Variants in CACNA1G observed in about 807,000 individuals in gnomAD.
CACNA1G encodes voltage-dependent T-type calcium channel subunit alpha-1G.
Under a neutral mutation model 219.4 loss-of-function variants are expected in CACNA1G, and 67 were observed. The observed-to-expected ratio is 0.31, with a 90% CI of 0.25 to 0.37. The LOEUF (loss-of-function observed/expected upper bound fraction) is 0.37. CACNA1G is among the 10% of genes least tolerant of loss of function. The pLI, the probability that CACNA1G is intolerant of heterozygous loss-of-function variation, is 1.00. For missense variants in CACNA1G, 2,380 were observed against 3,231.4 expected, an observed-to-expected ratio of 0.74 and a Z score of 6.39; for synonymous variants, 1,296 against 1,345.3, an observed-to-expected ratio of 0.96 and a Z score of 0.80.
At chr17:50,619,575 T>G in intron 33 of CACNA1G, 108 bp from the exon 34 acceptor site, 3 of 1,044,912 alleles carry the variant, frequency 2.9e-6, no homozygotes, top group South Asian at 3.0e-5. Flanking sequence ...GTGTCACCTC[T>G]TTCTCCTCTG....
Position 50,601,046 on chromosome 17 carries a change from G to A in CACNA1G, c.3792-5G>A. 6.2e-7 allele frequency: 1 copy of A among 1,613,492 alleles called. No individual in the cohort carries two copies. The highest frequency in any genetic ancestry group is 8.5e-7 in the Non-Finnish European group (1 of 1,179,662). On this transcript the variant is annotated splice_polypyrimidine_tract_variant and splice_region_variant and intron_variant, in intron 18 of 37. Coordinates refer to ENST00000359106, the MANE Select transcript of CACNA1G (RefSeq NM_018896.5). ...CTCTCAGCCGTTGCCTCCATGCCTG[G>A]GCAGGTTCCGCCTCCTGTGTCACCG... is the stretch of plus-strand genomic sequence containing the variant.
In CACNA1G at chr17:50,561,826, G is replaced by GAA. The variant is rs112792872; in HGVS notation, c.242+125_242+126insAA. 8.7e-6 allele frequency: 6 copies of GAA among 690,800 alleles called. No individual in the cohort carries two copies. In the African/African-American group the frequency reaches 1.3e-4, roughly 16 times the overall value. 42.8% of individuals were successfully genotyped at this position (690,800 alleles called of 1,614,324 possible). The stretch of plus-strand genomic sequence containing the variant: ...AAGTGAGCCCGGAGGGTAGGCGGAT[G>GAA]GGGGGGGGGCTGCCAGGGAGGGGAG... On this transcript the variant is annotated intron_variant, in intron 1 of 37. Coordinates refer to ENST00000359106, the MANE Select transcript of CACNA1G (RefSeq NM_018896.5).
chr17:50,598,622 T>A (rs2145725196), intron 16 of CACNA1G, among the ~76,000 whole-genome samples: 1 of 152,372 alleles, frequency 6.6e-6, no homozygotes, highest in South Asian at 2.1e-4. Context: ...CTTGTTATCT[T>A]TCATCACTTT....
At chr17:50,606,051 G>C (rs768546713) in intron 23 of CACNA1G, 28 bp downstream of exon 23, 1 of 1,613,884 alleles carries the variant, frequency 6.2e-7, no homozygotes. Flanking sequence ...AGGTGGGGCT[G>C]TGGTGAAGGA....
intron 7 of CACNA1G, among the ~76,000 whole-genome samples, chr17:50,574,918 C>T (rs2040303085): frequency 1.3e-5 from 2 of 152,026 alleles, no homozygotes; most frequent in African/African-American, 4.8e-5. Context: ...TCAGCCCCTC[C>T]CACATCTGAG....
intron 4 of CACNA1G, among the ~76,000 whole-genome samples, chr17:50,570,654 G>T (rs1379479948): frequency 6.6e-6 from 1 of 150,946 alleles, no homozygotes; most frequent in South Asian, 2.1e-4. Context: ...GGGGTGTGTT[G>T]GTGTTAACAG....
At chr17:50,589,475 C>T (rs1427925662) in intron 9 of CACNA1G, among the ~76,000 whole-genome samples, 1 of 152,222 alleles carries the variant, frequency 6.6e-6, no homozygotes, top group African/African-American at 2.4e-5. Flanking sequence ...TTCTAGCAGA[C>T]ACTGAGCTCC....
At chr17:50,584,553 A>G (rs766084543) in intron 9 of CACNA1G, among the ~76,000 whole-genome samples, 4 of 144,636 alleles carry the variant, frequency 2.8e-5, no homozygotes, top group African/African-American at 5.0e-5. Context: ...TTGGAGAAGT[A>G]ATGGATGCAG....
At chr17:50,615,239 GTGA>G in intron 26 of CACNA1G, 119 bp from the exon 27 acceptor site, 1 of 1,005,120 alleles carries the variant, frequency 9.9e-7, no homozygotes, top group Non-Finnish European at 1.4e-6. Context: ...GGCGAGGATG[GTGA>G]TGATTATGGA....
chr17:50,587,980 C>T (rs911729416), intron 9 of CACNA1G, among the ~76,000 whole-genome samples: 6 of 152,098 alleles, frequency 3.9e-5, no homozygotes, highest in African/African-American at 1.2e-4. Context: ...CAGTAGTAGT[C>T]GGACTTTTAG....
rs1414871701 is a variant in CACNA1G at position 50,578,588 on chromosome 17, G to C, written c.2301+24G>C. ...AGGTAGGAGAGTGGGCAGAGGCAGG[G>C]CTCCTGCCAGCTGCTTTTCGCCTGG... On this transcript the variant is annotated intron_variant, in intron 9 of 37. Transcript: ENST00000359106. This position sits in a 1 kb window ranked among gnomAD's most constrained non-coding sequence, Gnocchi z 4.5. 1 of 1,518,878 alleles carries C rather than the reference G, an allele frequency of 6.6e-7. No homozygotes were observed. The highest frequency in any genetic ancestry group is 8.8e-7 in the Non-Finnish European group (1 of 1,133,280). The allele number at this position is 1,518,878 out of a possible 1,614,324, so 94.1% of individuals were successfully genotyped here.
chr17:50,591,409 G>C, intron 10 of CACNA1G, 26 bp from the exon 11 acceptor site: 2 of 1,512,844 alleles, frequency 1.3e-6, no homozygotes, highest in Non-Finnish European at 1.8e-6. Flanking sequence ...GGTGCAGGGG[G>C]CTCAGGCTGC....
rs1487057576 is a variant in CACNA1G, at chr17:50,624,499, C to T, written c.6369C>T (p.Ser2123=). ...CCAAACTGCCCCCACCAGGACGCTC[C>T]CCTTTGGCTCAGAGGCCACTCAGGC... ...TIPKLPPPGR[S]PLAQRPLRRQ... is the part of the protein sequence containing the mutation. Residue 2123 remains serine (S), a synonymous_variant, in exon 37 of 38, where the codon TCC becomes TCT. Coordinates refer to ENST00000359106, the MANE Select transcript of CACNA1G (RefSeq NM_018896.5). 6.3e-7 allele frequency: 1 copy of T among 1,598,636 alleles called. No individual in the cohort carries two copies. Among genetic ancestry groups the T allele is most frequent in the South Asian group, 1.1e-5 (1 of 87,906 alleles).
Position 50,575,607 on chromosome 17 carries a change from A to C in CACNA1G, c.1205A>C (p.Lys402Thr), listed in dbSNP as rs1458431579. 1 of 1,613,578 alleles carries C rather than the reference A, an allele frequency of 6.2e-7. No homozygotes were observed. The highest frequency in any genetic ancestry group is 1.3e-5 in the African/African-American group (1 of 74,900). The change falls in exon 8 of 38, where the codon AAG becomes ACG. Residue 402 changes from lysine to threonine, a missense_variant. Physicochemically the swap from Lys to Thr is moderately conservative, Grantham distance 78. Transcript: ENST00000359106. Reference protein sequence around the residue: ...VVIATQFSETKQRESQLMREQ... With the variant: ...VVIATQFSETTQRESQLMREQ... ...ATTGCCACGCAGTTCTCAGAGACCA[A>C]GCAGCGGGAAAGCCAGCTGATGCGG...
At chr17:50,605,633 C>T (rs566257554) in intron 22 of CACNA1G, among the ~76,000 whole-genome samples, 19 of 152,332 alleles carry the variant, frequency 1.2e-4, no homozygotes, top group Admixed American at 3.9e-4. Context: ...CTGGCCTAAC[C>T]GTTGGTGGAA....
Position 50,575,842 on chromosome 17 carries a change from C to G in CACNA1G, c.1440C>G (p.Ser480Arg). The G allele has an allele frequency of 6.5e-7, 1 of 1,549,782 alleles. No individual in the cohort carries two copies. The highest frequency in any genetic ancestry group is 8.7e-7 in the Non-Finnish European group (1 of 1,147,238). The change falls in exon 8 of 38, where the codon AGC becomes AGG. Residue 480 changes from serine to arginine, a missense_variant. Around this residue, in one of 17 missense-constraint regions of CACNA1G, gnomAD observed 434 missense variants for 417.3 expected, o/e 1.04. Transcript: ENST00000359106. Reference protein sequence around the residue: ...PLGGQETQPSSSCSRSHRRLS... With the variant: ...PLGGQETQPSRSCSRSHRRLS... ...GGGGCCAGGAGACCCAGCCCAGCAG[C>G]AGCTGCTCTCGCTCCCACCGCCGCC...
intron 23 of CACNA1G, 194 bp downstream of exon 23, chr17:50,606,217 TG>T: frequency 1.2e-6 from 1 of 810,748 alleles, no homozygotes; most frequent in Non-Finnish European, 2.2e-6. Context: ...AGTGGGCCCA[TG>T]GGGTCTCTAG....
In CACNA1G at chr17:50,617,894, G is replaced by A. The variant is rs749863086; in HGVS notation, c.5191G>A (p.Ala1731Thr). The A allele has an allele frequency of 6.2e-7, 1 of 1,613,772 alleles. No homozygotes were observed. The highest frequency in any genetic ancestry group is 1.1e-5 in the South Asian group (1 of 91,070). Residue 1731 changes from alanine to threonine, a missense_variant, in exon 30 of 38, where the codon GCG becomes ACG. By Grantham distance (58) the Ala-to-Thr change is moderately conservative (BLOSUM62 0). Transcript: ENST00000359106. This position sits in a 1 kb window ranked among gnomAD's most constrained non-coding sequence, Gnocchi z 5.8. ...KLLKMAVGMRALLDTVMQALP... is the reference protein window; with the variant it reads ...KLLKMAVGMRTLLDTVMQALP... ...GCTGAAGATGGCTGTGGGCATGCGG[G>A]CGCTGCTGGACACGGTGATGCAGGC...
rs1490002192 is a variant in CACNA1G, at chr17:50,617,395, AC to A, written c.5022-38del. The A allele has an allele frequency of 4.4e-6, 7 of 1,579,696 alleles. No homozygotes were observed. The African/African-American group carries it at 5.4e-5, about 12-fold the overall frequency. ...GCCACGACTGCCCCCTCCTTCAGGA[AC>A]CCCCTCCCCCAACTCAGGGAGCTGT... is the stretch of plus-strand genomic sequence containing the variant. On this transcript the variant is annotated intron_variant, in intron 28 of 37. Transcript: ENST00000359106. The surrounding 1 kb of genome is among the most constrained non-coding windows in gnomAD (Gnocchi z 5.8).
Sources: gnomAD v4.1 joint callset for allele counts (sites outside exome capture counted in the v4.1 genomes callset) on GRCh38, gnomAD v4.1.1 for gene constraint, gnomAD v4.1.1 regional missense constraint, Gnocchi (gnomAD v3.1) non-coding constraint, MANE v1.5 for transcripts, NCBI Gene and HGNC (gene_info 2026-07-23, HGNC 2026-07-21) for gene names.